The following UBE4B variants were observed in gnomAD, a reference collection of about 807,000 sequenced individuals.
The protein encoded by UBE4B is ubiquitin conjugation factor E4 B.
A neutral mutation model predicts 148.1 loss-of-function variants in UBE4B; 27 were observed. That is an observed-to-expected ratio of 0.18 (90% CI 0.13 to 0.25). The LOEUF (loss-of-function observed/expected upper bound fraction) is 0.25, where lower values mean the gene tolerates loss of function less well. UBE4B is among the 10% of genes least tolerant of loss of function. The probability of loss-of-function intolerance (pLI) is 1.00; values close to 1 mark genes in which losing one functional copy is unlikely to be tolerated. For missense variants in UBE4B, 1,170 were observed against 1,662.4 expected (o/e 0.70, Z 5.15); for synonymous variants, 596 against 619.3 (o/e 0.96, Z 0.56).
At chr1:10,063,105 T>C (rs1388813257) in intron 1 of UBE4B, among the ~76,000 whole-genome samples, 1 of 150,726 alleles carries the variant, frequency 6.6e-6, no homozygotes, top group Non-Finnish European at 1.5e-5. Context: ...CCGTCTCTAA[T>C]AAAAATACAA....
At chr1:10,086,355 G>A (rs534906269) in intron 2 of UBE4B, among the ~76,000 whole-genome samples, 5 of 152,230 alleles carry the variant, frequency 3.3e-5, no homozygotes, top group Admixed American at 1.3e-4. Context: ...TGATCCACCC[G>A]CCTTGGCCTC....
At chr1:10,035,977 C>G (rs1255732356) in intron 1 of UBE4B, among the ~76,000 whole-genome samples, 1 of 151,780 alleles carries the variant, frequency 6.6e-6, no homozygotes, top group Admixed American at 6.6e-5. Flanking sequence ...ATCTCCTGAC[C>G]TCGTGATCCG....
At chr1:10,113,394 A>G (rs1042048546) in intron 7 of UBE4B, among the ~76,000 whole-genome samples, 4 of 152,204 alleles carry the variant, frequency 2.6e-5, no homozygotes, top group Non-Finnish European at 5.9e-5. Context: ...TGAGATTTGG[A>G]CAAACATCCC....
rs564215414 is a variant in UBE4B at position 10,175,359 on chromosome 1, T to TA, written c.3526-3276dup. ...AAAAATTCAGCACCTACTTAGAAAA[T>TA]AAAAAAAAATAGCCGGGTGCAGTGG... On this transcript the variant is annotated intron_variant, in intron 25 of 27. Coordinates refer to ENST00000343090, the MANE Select transcript of UBE4B (RefSeq NM_001105562.3). Among the ~76,000 whole-genome samples the TA allele has an allele frequency of 9.0e-4, 136 of 150,704 alleles. 2 individuals carry two copies. The South Asian group carries it at 0.025, about 28-fold the overall frequency.
At chr1:10,099,814 G>A (rs932881523) in intron 3 of UBE4B, among the ~76,000 whole-genome samples, 3 of 152,100 alleles carry the variant, frequency 2.0e-5, no homozygotes, top group Non-Finnish European at 2.9e-5. Flanking sequence ...AGACCCACTC[G>A]TTAATGAAAA....
At chr1:10,119,651 G>A (rs1266880564) in intron 9 of UBE4B, 38 bp downstream of exon 9, 31 of 1,588,268 alleles carry the variant, frequency 2.0e-5, no homozygotes, top group Non-Finnish European at 2.5e-5. Flanking sequence ...TTAGCAGGCA[G>A]AGAGCCCTAG....
chr1:10,119,276 A>G (rs140614980), intron 8 of UBE4B, among the ~76,000 whole-genome samples: 2,634 of 152,140 alleles, frequency 0.017, 34 homozygotes, highest in Non-Finnish European at 0.027. Flanking sequence ...CCTGGCCTCT[A>G]AGGTTCTTAA....
intron 25 of UBE4B, among the ~76,000 whole-genome samples, chr1:10,173,544 C>T (rs147524786): frequency 6.6e-6 from 1 of 151,810 alleles, no homozygotes; most frequent in Non-Finnish European, 1.5e-5. Flanking sequence ...TACTAGCCCC[C>T]GACTATATAA....
rs1336891073 is a variant in UBE4B, at chr1:10,117,565, G to T, written c.1303G>T (p.Asp435Tyr). 1.2e-6 allele frequency: 2 copies of T among 1,604,714 alleles called. No homozygotes were observed. Among genetic ancestry groups the T allele is most frequent in the South Asian group, 1.1e-5 (1 of 89,334 alleles). The change falls in exon 8 of 28, where the codon GAC (aspartate) becomes TAC (tyrosine). Residue 435 changes from aspartate to tyrosine, a missense_variant. Around this residue, in one of 6 missense-constraint regions of UBE4B, gnomAD observed 388 missense variants for 536.0 expected, o/e 0.72. Coordinates refer to ENST00000343090, the MANE Select transcript of UBE4B (RefSeq NM_001105562.3). ...GCTGAACTACCTCATCGAGTGTTTC[G>T]ACCGAGTTGGAATAGAGGAAAAAAA... is the stretch of plus-strand genomic sequence containing the variant. The part of the protein sequence containing the change: ...DMLNYLIECF[D>Y]RVGIEEKKAP...
At chr1:10,076,247 C>CTTTTTTT (rs369214323) in intron 2 of UBE4B, among the ~76,000 whole-genome samples, 1 of 131,650 alleles carries the variant, frequency 7.6e-6, no homozygotes, top group Non-Finnish European at 1.6e-5. Context: ...TTCTTTCTTT[C>CTTTTTTT]TTTTTTTTTT....
At chr1:10,078,298 C>T (rs1225066697) in intron 2 of UBE4B, among the ~76,000 whole-genome samples, 1 of 152,096 alleles carries the variant, frequency 6.6e-6, no homozygotes, top group Non-Finnish European at 1.5e-5. Context: ...TGTGAGCCAC[C>T]GTGCCTGGCT....
chr1:10,093,771 T>C (rs1048813479), intron 2 of UBE4B, among the ~76,000 whole-genome samples: 2 of 151,968 alleles, frequency 1.3e-5, no homozygotes, highest in African/African-American at 2.4e-5. Context: ...CTTGGCTCAC[T>C]GCAACCTCCG....
rs572155473 is a variant in UBE4B, at chr1:10,060,739, C to T, written c.25-11289C>T. On this transcript the variant is annotated intron_variant, in intron 1 of 27. Coordinates refer to ENST00000343090, the MANE Select transcript of UBE4B (RefSeq NM_001105562.3). The stretch of plus-strand genomic sequence containing the variant: ...CATTTTGCTGTGTATTTTAGAATCC[C>T]TAGTGAGCTAGTGAGATTCTGGACA... 7.5e-4 allele frequency among the ~76,000 whole-genome samples: 114 copies of T among 152,160 alleles called. 1 individual carries two copies. Among genetic ancestry groups the T allele is most frequent in the African/African-American group, 2.5e-3 (105 of 41,516 alleles).
At chr1:10,078,885 TA>T (rs1274750640) in intron 2 of UBE4B, among the ~76,000 whole-genome samples, 1 of 152,154 alleles carries the variant, frequency 6.6e-6, no homozygotes, top group Admixed American at 6.6e-5. Context: ...GGTGCGACCA[TA>T]GCTCATTGCG....
intron 3 of UBE4B, among the ~76,000 whole-genome samples, chr1:10,096,995 C>T (rs1644938591): frequency 1.3e-5 from 2 of 149,944 alleles, no homozygotes. Flanking sequence ...ACTGAGATCA[C>T]ACCACTGCCC....
intron 3 of UBE4B, among the ~76,000 whole-genome samples, chr1:10,097,927 G>A (rs940737170): frequency 6.6e-6 from 1 of 152,086 alleles, no homozygotes; most frequent in South Asian, 2.1e-4. Flanking sequence ...CTGGAATGCC[G>A]TGGCACAATC....
chr1:10,168,392 A>G lies in UBE4B; in HGVS notation c.3333+122A>G, dbSNP rs76732246. ...AGGATCACAGTCATCAATAAGTGAA[A>G]TTCTGTGACTGATTTTGTTCCCAGT... On this transcript the variant is annotated intron_variant, in intron 24 of 27. Coordinates refer to ENST00000343090, the MANE Select transcript of UBE4B (RefSeq NM_001105562.3). This position sits in a 1 kb window ranked among gnomAD's most constrained non-coding sequence, Gnocchi z 4.9. 5,626 of 1,412,188 alleles carry G rather than the reference A, an allele frequency of 4.0e-3. 174 individuals carry two copies. The African/African-American group carries it at 0.07, about 18-fold the overall frequency. The allele number at this position is 1,412,188 out of a possible 1,614,324, so 87.5% of individuals were successfully genotyped here. A position where few individuals can be genotyped will look rare whatever the true frequency, so the allele number is the denominator to read the frequency against.
chr1:10,065,214 G>C lies in UBE4B; in HGVS notation c.25-6814G>C, dbSNP rs192730471. On this transcript the variant is annotated intron_variant, in intron 1 of 27. Coordinates refer to ENST00000343090, the MANE Select transcript of UBE4B (RefSeq NM_001105562.3). ...TTGGTTTTGGCTGAACTATTTGAAAGTATGGAGAACCACTAAAGCAGATGG... is the reference window on the plus strand; with the variant it reads ...TTGGTTTTGGCTGAACTATTTGAAACTATGGAGAACCACTAAAGCAGATGG... 1.6e-4 allele frequency among the ~76,000 whole-genome samples: 24 copies of C among 152,262 alleles called. No homozygotes were observed. The East Asian group carries it at 3.7e-3, about 23-fold the overall frequency.
rs752124501 is a variant in UBE4B, at chr1:10,129,399, G to A, written c.1646G>A (p.Gly549Asp). The change falls in exon 12 of 28, where the codon GGT becomes GAT. Residue 549 changes from glycine to aspartate, a missense_variant. Transcript: ENST00000343090. The stretch of plus-strand genomic sequence containing the variant: ...CTCTGATCTTATTTCTAGGCACTAG[G>A]TGAGCTCTGTGAAACCAAGTTTGGG... ...DYFKYPLMAL[G>D]ELCETKFGKT... 6.2e-7 allele frequency: 1 copy of A among 1,611,940 alleles called. No individual in the cohort carries two copies.
Sources: gnomAD v4.1 joint callset for allele counts (sites outside exome capture counted in the v4.1 genomes callset) on GRCh38, gnomAD v4.1.1 for gene constraint, gnomAD v4.1.1 regional missense constraint, Gnocchi (gnomAD v3.1) non-coding constraint, MANE v1.5 for transcripts, NCBI Gene and HGNC (gene_info 2026-07-23, HGNC 2026-07-21) for gene names.